The following PARD3B variants were observed in gnomAD, a reference collection of about 807,000 sequenced individuals.
PARD3B encodes par-3 family cell polarity regulator beta.
PARD3B carries 103 observed loss-of-function variants against 130.2 expected under a neutral mutation model. The observed-to-expected ratio is 0.79, with a 90% CI of 0.67 to 0.93. The LOEUF (loss-of-function observed/expected upper bound fraction) is 0.93, where lower values mean the gene tolerates loss of function less well. Ranked by LOEUF, PARD3B falls within the 40% of genes least tolerant of loss-of-function variation. PARD3B has a pLI of 0.00. For synonymous variants in PARD3B, 583 were observed against 553.2 expected (o/e 1.05, Z -0.76); for missense variants, 1,609 against 1,499.2 (o/e 1.07, Z -1.21).
At chr2:205,041,749 T>C (rs1210751550) in intron 3 of PARD3B, among the ~76,000 whole-genome samples, 1 of 152,122 alleles carries the variant, frequency 6.6e-6, no homozygotes, top group African/African-American at 2.4e-5. Flanking sequence ...AAATCCCTGC[T>C]GCTACTCCCC....
chr2:204,862,980 C>A (rs1183259258), intron 2 of PARD3B, among the ~76,000 whole-genome samples: 1 of 152,202 alleles, frequency 6.6e-6, no homozygotes, highest in Non-Finnish European at 1.5e-5. Context: ...ATGGCGCAAA[C>A]CTCCGGAGGC....
chr2:204,684,945 A>G (rs887726176), intron 1 of PARD3B, among the ~76,000 whole-genome samples: 1 of 152,166 alleles, frequency 6.6e-6, no homozygotes, highest in Non-Finnish European at 1.5e-5. Flanking sequence ...CTATCACTTT[A>G]CCAAGTTGTA....
intron 2 of PARD3B, among the ~76,000 whole-genome samples, chr2:204,839,395 A>T (rs1258518306): frequency 6.6e-6 from 1 of 152,196 alleles, no homozygotes; most frequent in Non-Finnish European, 1.5e-5. Context: ...TCAGGAAAAC[A>T]CTTAAGTATT....
intron 22 of PARD3B, among the ~76,000 whole-genome samples, chr2:205,582,580 C>T (rs761021594): frequency 3.9e-5 from 6 of 151,910 alleles, no homozygotes; most frequent in Non-Finnish European, 8.8e-5. Flanking sequence ...TTTTTAAATT[C>T]TCTAGACTAG....
At chr2:205,474,932 T>G (rs1401426008) in intron 20 of PARD3B, among the ~76,000 whole-genome samples, 1 of 152,144 alleles carries the variant, frequency 6.6e-6, no homozygotes, top group East Asian at 1.9e-4. Context: ...CTGTTCCAAA[T>G]TACCACTAGA....
intron 18 of PARD3B, among the ~76,000 whole-genome samples, chr2:205,322,439 G>T (rs17265864): frequency 0.036 from 5,458 of 152,252 alleles, 113 homozygotes; most frequent in Middle Eastern, 0.058. Flanking sequence ...ATGCATATCT[G>T]TTGAGGACCA....
In PARD3B at chr2:204,603,187, G is replaced by A. The variant is rs377235478; in HGVS notation, c.120+57068G>A. Among the ~76,000 whole-genome samples the A allele has an allele frequency of 3.9e-5, 6 of 151,940 alleles. No individual in the cohort carries two copies. In the East Asian group the frequency reaches 1.2e-3, roughly 29 times the overall value. ...CTGAATCCTTATCACATAACCTGAG[G>A]CATCTAATTTAATTTTCTTTTATGC... On this transcript the variant is annotated intron_variant, in intron 1 of 22. Transcript: ENST00000406610.
chr2:205,186,763 A>G (rs1469665566), intron 14 of PARD3B, among the ~76,000 whole-genome samples: 1 of 152,162 alleles, frequency 6.6e-6, no homozygotes, highest in Non-Finnish European at 1.5e-5. Flanking sequence ...CGTGAACTAG[A>G]TTGATAATCA....
chr2:204,643,525 T>TG (rs2035165778), intron 1 of PARD3B, among the ~76,000 whole-genome samples: 1 of 152,224 alleles, frequency 6.6e-6, no homozygotes, highest in African/African-American at 2.4e-5. Context: ...CTGTGACTCA[T>TG]GGGGCCACAT....
At chr2:205,412,389 A>G (rs985861726) in intron 19 of PARD3B, among the ~76,000 whole-genome samples, 2 of 152,208 alleles carry the variant, frequency 1.3e-5, no homozygotes, top group African/African-American at 4.8e-5. Context: ...CAGTAACAAC[A>G]ATGGGCTGTT....
At chr2:204,761,633 A>C (rs2040901537) in intron 2 of PARD3B, among the ~76,000 whole-genome samples, 2 of 152,064 alleles carry the variant, frequency 1.3e-5, no homozygotes, top group East Asian at 1.9e-4. Flanking sequence ...GGTTTCTTTG[A>C]AATGTAATTT....
chr2:205,254,855 G>A (rs2040008255), intron 16 of PARD3B, among the ~76,000 whole-genome samples: 1 of 151,254 alleles, frequency 6.6e-6, no homozygotes, highest in African/African-American at 2.4e-5. Flanking sequence ...TAGTAGAGAC[G>A]GGGTTTCACC....
At chr2:204,843,294 C>T (rs1200213233) in intron 2 of PARD3B, among the ~76,000 whole-genome samples, 1 of 152,150 alleles carries the variant, frequency 6.6e-6, no homozygotes, top group Non-Finnish European at 1.5e-5. Context: ...GACATTCAAT[C>T]TTCCATCCAA....
rs1476455644 is a variant in PARD3B at position 204,689,318 on chromosome 2, C to T, written c.222+3036C>T. Among the ~76,000 whole-genome samples the T allele has an allele frequency of 6.6e-6, 1 of 152,118 alleles. No individual in the cohort carries two copies. The highest frequency in any genetic ancestry group is 1.5e-5 in the Non-Finnish European group (1 of 68,030). Reference sequence around the variant, plus strand: ...TAAACTTGCTTTCCTAGTACAGCTTCCACGGGGACCAAGTCTCCACTGTGT... The same window carrying T: ...TAAACTTGCTTTCCTAGTACAGCTTTCACGGGGACCAAGTCTCCACTGTGT... On this transcript the variant is annotated intron_variant, in intron 2 of 22. Coordinates refer to ENST00000406610, the MANE Select transcript of PARD3B (RefSeq NM_001302769.2). The surrounding 1 kb of genome is among the most constrained non-coding windows in gnomAD (Gnocchi z 5.2).
chr2:205,576,398 A>G (rs1359007287), intron 22 of PARD3B, among the ~76,000 whole-genome samples: 2 of 148,920 alleles, frequency 1.3e-5, no homozygotes, highest in Non-Finnish European at 3.0e-5. Flanking sequence ...GTTTTCTCCT[A>G]TTTTATCTTC....
At chr2:205,398,977 G>C (rs1481613690) in intron 18 of PARD3B, among the ~76,000 whole-genome samples, 1 of 152,106 alleles carries the variant, frequency 6.6e-6, no homozygotes, top group Non-Finnish European at 1.5e-5. Context: ...ATTTGAAAAA[G>C]TCTAAGAATC....
intron 16 of PARD3B, among the ~76,000 whole-genome samples, chr2:205,285,338 C>T (rs2041352543): frequency 6.6e-6 from 1 of 152,056 alleles, no homozygotes; most frequent in African/African-American, 2.4e-5. Flanking sequence ...ACATCCATCC[C>T]AGTTTAGGGT....
chr2:205,491,835 G>A (rs1440125844), intron 20 of PARD3B, among the ~76,000 whole-genome samples: 3 of 152,170 alleles, frequency 2.0e-5, no homozygotes, highest in Non-Finnish European at 2.9e-5. Flanking sequence ...TGGTGAGGTC[G>A]GGAGCCCAGA....
intron 3 of PARD3B, among the ~76,000 whole-genome samples, chr2:205,014,870 C>T (rs1696003485): frequency 6.6e-6 from 1 of 152,140 alleles, no homozygotes. Context: ...ACATTTAAGG[C>T]AGAAGGAATG....
Sources: allele counts gnomAD v4.1 joint callset (sites outside exome capture counted in the v4.1 genomes callset), GRCh38; gene constraint gnomAD v4.1.1; non-coding constraint Gnocchi (gnomAD v3.1); transcripts MANE v1.5; gene names NCBI Gene and HGNC (gene_info 2026-07-23, HGNC 2026-07-21).